The following OSBP2 variants were observed in gnomAD, a reference collection of about 807,000 sequenced individuals.
OSBP2 encodes the protein oxysterol binding protein 2, also known as oxysterol-binding protein 2.
A neutral mutation model predicts 96.0 loss-of-function variants in OSBP2; 66 were observed. The observed-to-expected ratio is 0.69, with a 90% CI of 0.56 to 0.84. OSBP2 has a LOEUF of 0.84. Ranked by LOEUF, OSBP2 falls within the 40% of genes least tolerant of loss-of-function variation. The probability of loss-of-function intolerance (pLI) is 0.00; values close to 1 mark genes in which losing one functional copy is unlikely to be tolerated. For missense variants in OSBP2, 1,038 were observed against 1,222.7 expected (o/e 0.85, Z 2.25); for synonymous variants, 525 against 520.9 (o/e 1.01, Z -0.11).
intron 1 of OSBP2, among the ~76,000 whole-genome samples, chr22:30,700,123 C>A (rs1169305670): frequency 6.6e-6 from 1 of 151,894 alleles, no homozygotes; most frequent in Non-Finnish European, 1.5e-5. Context: ...CCACCACACC[C>A]AGCTAATTTT....
intron 5 of OSBP2, among the ~76,000 whole-genome samples, chr22:30,888,675 G>A (rs1056423014): frequency 6.6e-6 from 1 of 152,218 alleles, no homozygotes; most frequent in African/African-American, 2.4e-5. Flanking sequence ...GCTGCAGTGA[G>A]CCATGGTCAT....
intron 2 of OSBP2, among the ~76,000 whole-genome samples, chr22:30,860,927 T>A (rs2039197687): frequency 6.6e-6 from 1 of 152,190 alleles, no homozygotes; most frequent in South Asian, 2.1e-4. Context: ...GTGCTGTCCA[T>A]CATCCCCAGG....
At chr22:30,730,752 CTCTCTCTCTCTCTCTCTCTCTCTA>C (rs1602183507) in intron 1 of OSBP2, among the ~76,000 whole-genome samples, 6 of 44,572 alleles carry the variant, frequency 1.3e-4, no homozygotes, top group South Asian at 2.0e-3. Flanking sequence ...CTCTCTCTCT[CTCTCTCTCTCTCTCTCTCTCTCTA>C]TATATATATA....
chr22:30,765,742 CT>C (rs1172176022), intron 2 of OSBP2, among the ~76,000 whole-genome samples: 2 of 151,964 alleles, frequency 1.3e-5, no homozygotes, highest in African/African-American at 4.8e-5. Flanking sequence ...GGTGTAGGGC[CT>C]TATTGTTCAT....
rs542186691 is a variant in OSBP2 at position 30,764,030 on chromosome 22, G to A, written c.853+22661G>A. 8.5e-5 allele frequency among the ~76,000 whole-genome samples: 13 copies of A among 152,302 alleles called. No homozygotes were observed. In the East Asian group the frequency reaches 1.5e-3, roughly 18 times the overall value. On this transcript the variant is annotated intron_variant, in intron 2 of 13. Coordinates refer to ENST00000332585, the MANE Select transcript of OSBP2 (RefSeq NM_030758.4). ...TGGCTGGCTTGCAACAAATCTCTCC[G>A]TACCTGTGAGTCATTTTCTGATGTT... is the stretch of plus-strand genomic sequence containing the variant.
rs958650085 is a variant in OSBP2 at position 30,802,920 on chromosome 22, G to C, written c.853+61551G>C. Reference sequence around the variant, plus strand: ...AGGTCCGGCTGCTCTCTGAGCTCGCGGGCTGGACGCTGTCCGCGGTGCTGA... The same window carrying C: ...AGGTCCGGCTGCTCTCTGAGCTCGCCGGCTGGACGCTGTCCGCGGTGCTGA... On this transcript the variant is annotated intron_variant, in intron 2 of 13. Transcript: ENST00000332585. 3.9e-5 allele frequency among the ~76,000 whole-genome samples: 6 copies of C among 152,270 alleles called. No individual in the cohort carries two copies. The South Asian group carries it at 6.2e-4, about 16-fold the overall frequency.
At chr22:30,875,242 G>C (rs796702619) in intron 3 of OSBP2, among the ~76,000 whole-genome samples, 60 of 152,256 alleles carry the variant, frequency 3.9e-4, no homozygotes, top group Middle Eastern at 3.4e-3. Flanking sequence ...CCCTTCCAGA[G>C]GGATCACCTG....
intron 1 of OSBP2, among the ~76,000 whole-genome samples, chr22:30,716,991 A>G (rs143156117): frequency 0.013 from 1,975 of 152,164 alleles, 8 homozygotes; most frequent in Middle Eastern, 0.024. Flanking sequence ...TCATTGCCAA[A>G]TCCAATGTCA....
chr22:30,832,926 GT>G (rs1434498829), intron 2 of OSBP2, among the ~76,000 whole-genome samples: 1 of 152,208 alleles, frequency 6.6e-6, no homozygotes, highest in East Asian at 1.9e-4. Context: ...AGAGTTTAAA[GT>G]TTTTAAAATG....
At chr22:30,768,321 C>T (rs2090304110) in intron 2 of OSBP2, among the ~76,000 whole-genome samples, 2 of 152,120 alleles carry the variant, frequency 1.3e-5, no homozygotes, top group African/African-American at 2.4e-5. Flanking sequence ...TAATACGCCT[C>T]TGGGGGTGGG....
At chr22:30,745,091 G>A (rs1416571965) in intron 2 of OSBP2, among the ~76,000 whole-genome samples, 3 of 152,058 alleles carry the variant, frequency 2.0e-5, no homozygotes, top group African/African-American at 7.2e-5. Flanking sequence ...GAAATCACAA[G>A]GGAAATTCGA....
At chr22:30,739,492 T>C (rs1356271339) in intron 1 of OSBP2, among the ~76,000 whole-genome samples, 1 of 151,696 alleles carries the variant, frequency 6.6e-6, no homozygotes. Flanking sequence ...TTGTTTGTTT[T>C]GAGACAGAGT....
chr22:30,759,083 G>C (rs1051370712), intron 2 of OSBP2, among the ~76,000 whole-genome samples: 6 of 152,184 alleles, frequency 3.9e-5, no homozygotes, highest in African/African-American at 9.7e-5. Flanking sequence ...CAAAGGGCCG[G>C]GCGCAGTGTA....
chr22:30,800,434 G>C (rs756822540), intron 2 of OSBP2, among the ~76,000 whole-genome samples: 5 of 152,144 alleles, frequency 3.3e-5, no homozygotes, highest in African/African-American at 7.2e-5. Context: ...CATGAGCCAT[G>C]GACATGCTTC....
intron 1 of OSBP2, among the ~76,000 whole-genome samples, chr22:30,725,336 T>C (rs2089628717): frequency 6.6e-6 from 1 of 151,742 alleles, no homozygotes; most frequent in Admixed American, 6.6e-5. Flanking sequence ...GGTGAAACCC[T>C]GTCTCTACTA....
At chr22:30,880,884 C>T (rs907820849) in intron 3 of OSBP2, among the ~76,000 whole-genome samples, 2 of 152,206 alleles carry the variant, frequency 1.3e-5, no homozygotes, top group African/African-American at 4.8e-5. Context: ...TCAGACCTCA[C>T]ATGGCATGGC....
chr22:30,738,002 G>A lies in OSBP2; in HGVS notation c.645-3159G>A, dbSNP rs889933674. Among the ~76,000 whole-genome samples the A allele has an allele frequency of 6.6e-5, 10 of 151,830 alleles. No individual in the cohort carries two copies. In the East Asian group the frequency reaches 1.2e-3, roughly 18 times the overall value. The stretch of plus-strand genomic sequence containing the variant: ...GCTGGGATTACAGGCGTGAGCCACC[G>A]TGCACGGCTGAGACTCTAAATCCTT... On this transcript the variant is annotated intron_variant, in intron 1 of 13. Coordinates refer to ENST00000332585, the MANE Select transcript of OSBP2 (RefSeq NM_030758.4).
At chr22:30,699,653 T>C (rs1347611758) in intron 1 of OSBP2, among the ~76,000 whole-genome samples, 1 of 152,220 alleles carries the variant, frequency 6.6e-6, no homozygotes. Flanking sequence ...TCCATTATTT[T>C]TACCTTAATA....
chr22:30,724,276 G>A (rs1214332166), intron 1 of OSBP2, among the ~76,000 whole-genome samples: 3 of 152,138 alleles, frequency 2.0e-5, no homozygotes, highest in South Asian at 2.1e-4. Flanking sequence ...GGAGTGCAGT[G>A]GCTTGATCTC....
Sources: allele counts gnomAD v4.1 joint callset (sites outside exome capture counted in the v4.1 genomes callset), GRCh38; gene constraint gnomAD v4.1.1; transcripts MANE v1.5; gene names NCBI Gene and HGNC (gene_info 2026-07-23, HGNC 2026-07-21).